The following CADM2 variants were observed in gnomAD, a reference collection of about 807,000 sequenced individuals.
The protein encoded by CADM2 is immunoglobulin superfamily member 4D.
In CADM2, 12 loss-of-function variants were observed where a neutral mutation model predicts 49.8. That is an observed-to-expected ratio of 0.24 (90% confidence interval 0.15 to 0.39). CADM2 has a LOEUF of 0.39. Ranked by LOEUF, CADM2 falls within the 10% of genes least tolerant of loss-of-function variation. The pLI, the probability that CADM2 is intolerant of heterozygous loss-of-function variation, is 1.00. For missense variants in CADM2, 378 were observed against 492.3 expected (o/e 0.77, Z 2.20); for synonymous variants, 214 against 175.4 (o/e 1.22, Z -1.74).
At chr3:85,209,196 ATAT>A (rs1368092078) in intron 1 of CADM2, among the ~76,000 whole-genome samples, 2 of 152,134 alleles carry the variant, frequency 1.3e-5, no homozygotes, top group African/African-American at 2.4e-5. Flanking sequence ...CTTCAAAAAG[ATAT>A]TTAAGATCTA....
intron 1 of CADM2, among the ~76,000 whole-genome samples, chr3:85,081,468 T>A (rs1366063713): frequency 6.6e-6 from 1 of 152,196 alleles, no homozygotes; most frequent in African/African-American, 2.4e-5. Context: ...TTATACCAAG[T>A]ATAAGATTCA....
At chr3:85,638,284 T>C (rs2064581650) in intron 1 of CADM2, among the ~76,000 whole-genome samples, 2 of 152,164 alleles carry the variant, frequency 1.3e-5, no homozygotes, top group South Asian at 4.1e-4. Flanking sequence ...AGTTTTATAT[T>C]ATGAATAAAT....
intron 8 of CADM2, among the ~76,000 whole-genome samples, chr3:86,028,704 C>G (rs1432110668): frequency 1.3e-5 from 2 of 152,078 alleles, no homozygotes; most frequent in Non-Finnish European, 2.9e-5. Flanking sequence ...AAGGAAAGGC[C>G]ATCACCTTTG....
At chr3:85,801,725 T>G (rs1400071319) in intron 2 of CADM2, among the ~76,000 whole-genome samples, 1 of 152,160 alleles carries the variant, frequency 6.6e-6, no homozygotes, top group African/African-American at 2.4e-5. Context: ...TGACCAAGTT[T>G]AGTACCGTAT....
At chr3:85,575,393 T>C (rs549817154) in intron 1 of CADM2, among the ~76,000 whole-genome samples, 5 of 152,084 alleles carry the variant, frequency 3.3e-5, no homozygotes, top group African/African-American at 9.6e-5. Flanking sequence ...CTACTAAAAA[T>C]ACAAAAGATT....
At chr3:85,104,338 G>C (rs1339449391) in intron 1 of CADM2, among the ~76,000 whole-genome samples, 1 of 151,590 alleles carries the variant, frequency 6.6e-6, no homozygotes. Flanking sequence ...TCTCAGGTTT[G>C]TCAAAGATCA....
intron 1 of CADM2, among the ~76,000 whole-genome samples, chr3:85,511,083 C>T (rs75145908): frequency 0.02 from 3,024 of 152,098 alleles, 85 homozygotes; most frequent in African/African-American, 0.067. Context: ...TTAGACCTTT[C>T]GAATGCCTAC....
intron 1 of CADM2, among the ~76,000 whole-genome samples, chr3:85,104,563 G>A (rs1246149586): frequency 6.6e-6 from 1 of 152,020 alleles, no homozygotes; most frequent in Non-Finnish European, 1.5e-5. Flanking sequence ...GCTCTTTTTT[G>A]GAACCATATG....
chr3:85,803,506 T>TAGAC (rs2072194569), intron 3 of CADM2, among the ~76,000 whole-genome samples: 3 of 151,310 alleles, frequency 2.0e-5, no homozygotes, highest in African/African-American at 7.3e-5. Context: ...GATAAATAGA[T>TAGAC]AGATAGATAG....
At chr3:86,046,597 G>A (rs182973762) in intron 8 of CADM2, among the ~76,000 whole-genome samples, 24 of 152,072 alleles carry the variant, frequency 1.6e-4, no homozygotes, top group Admixed American at 3.3e-4. Flanking sequence ...GGGCAGCACC[G>A]CACAGTAAAA....
chr3:85,160,229 C>T (rs965043543), intron 1 of CADM2, among the ~76,000 whole-genome samples: 10 of 152,054 alleles, frequency 6.6e-5, no homozygotes, highest in Admixed American at 4.6e-4. Context: ...ATACATCAAC[C>T]GTTACTAAAA....
chr3:86,022,332 C>G (rs895634255), intron 8 of CADM2, among the ~76,000 whole-genome samples: 9 of 151,940 alleles, frequency 5.9e-5, no homozygotes, highest in Admixed American at 5.9e-4. Context: ...TCAGTTATTC[C>G]TTGTTCTCAT....
chr3:85,761,128 C>T (rs1369021901), intron 2 of CADM2, among the ~76,000 whole-genome samples: 1 of 152,038 alleles, frequency 6.6e-6, no homozygotes, highest in Non-Finnish European at 1.5e-5. Context: ...CCACTATCTA[C>T]CAAAACTGTG....
intron 6 of CADM2, among the ~76,000 whole-genome samples, chr3:85,922,317 C>T (rs566357745): frequency 4.0e-5 from 6 of 151,234 alleles, no homozygotes; most frequent in African/African-American, 1.5e-4. Flanking sequence ...TGTGATTAAT[C>T]AGTATATTAA....
At chr3:86,015,533 A>G (rs2106953105) in intron 8 of CADM2, among the ~76,000 whole-genome samples, 1 of 152,300 alleles carries the variant, frequency 6.6e-6, no homozygotes, top group South Asian at 2.1e-4. Context: ...TTGACCTTTG[A>G]CTAATAGGAG....
At chr3:85,127,539 C>G (rs1559677648) in intron 1 of CADM2, among the ~76,000 whole-genome samples, 10 of 152,142 alleles carry the variant, frequency 6.6e-5, no homozygotes. Context: ...GGTCAGATTA[C>G]TTTTTTAAAG....
intron 2 of CADM2, among the ~76,000 whole-genome samples, chr3:85,796,414 T>C (rs1042989511): frequency 6.6e-6 from 1 of 152,148 alleles, no homozygotes; most frequent in Non-Finnish European, 1.5e-5. Flanking sequence ...ACCTCTGAGC[T>C]GAAGGCAAAA....
intron 8 of CADM2, among the ~76,000 whole-genome samples, chr3:86,001,015 G>A (rs1266678401): frequency 6.6e-6 from 1 of 152,116 alleles, no homozygotes; most frequent in East Asian, 1.9e-4. Context: ...TGCTGATAAG[G>A]GTTTAGACTA....
intron 1 of CADM2, among the ~76,000 whole-genome samples, chr3:85,026,401 A>G (rs764576894): frequency 2.2e-4 from 33 of 152,156 alleles, no homozygotes; most frequent in Non-Finnish European, 3.5e-4. Flanking sequence ...TTAAATGCCA[A>G]TAACTTCCTA....
Sources: allele counts gnomAD v4.1 joint callset (sites outside exome capture counted in the v4.1 genomes callset), GRCh38; gene constraint gnomAD v4.1.1; transcripts MANE v1.5; gene names NCBI Gene and HGNC (gene_info 2026-07-23, HGNC 2026-07-21).